Variants in JAK1 observed in about 807,000 individuals in gnomAD.
The protein encoded by JAK1 is Janus kinase 1, also known as tyrosine-protein kinase JAK1.
In JAK1, 16 loss-of-function variants were observed where a neutral mutation model predicts 136.6. The observed-to-expected ratio is 0.12, with a 90% confidence interval of 0.08 to 0.18. JAK1 has a LOEUF of 0.18. Ranked by LOEUF, JAK1 falls within the 10% of genes least tolerant of loss-of-function variation. The probability of loss-of-function intolerance (pLI) is 1.00; values close to 1 mark genes in which losing one functional copy is unlikely to be tolerated. For missense variants in JAK1, 859 were observed against 1,450.1 expected (o/e 0.59, Z 6.62); for synonymous variants, 492 against 519.5 (o/e 0.95, Z 0.72).
chr1:65,025,499 A>C (rs192299771), intron 2 of JAK1, among the ~76,000 whole-genome samples: 122 of 152,270 alleles, frequency 8.0e-4, no homozygotes, highest in African/African-American at 2.8e-3. Context: ...GTAAAATACT[A>C]TTATTGACAC....
At chr1:65,055,721 T>C (rs1010137910) in intron 1 of JAK1, among the ~76,000 whole-genome samples, 1 of 152,218 alleles carries the variant, frequency 6.6e-6, no homozygotes, top group African/African-American at 2.4e-5. Flanking sequence ...ATGAAATGCC[T>C]TGAAGATGCC....
intron 1 of JAK1, among the ~76,000 whole-genome samples, chr1:64,900,024 T>C (rs150973867): frequency 7.2e-5 from 11 of 152,302 alleles, no homozygotes; most frequent in Middle Eastern, 3.4e-3. Flanking sequence ...TGCACACTTT[T>C]AGAGATTTTC....
At position 64,869,102 on chromosome 1, in the gene JAK1, C is replaced by T. The variant is rs555569135; in HGVS notation, c.647+209G>A. On this transcript the variant is annotated intron_variant, in intron 6 of 24. Transcript: ENST00000342505. ...TCAGCTCAGAAATTTCACCCAAGCA[C>T]AAATTTCTGAGATTAGCAGCCAACA... 3.3e-5 allele frequency among the ~76,000 whole-genome samples: 5 copies of T among 152,250 alleles called. No individual in the cohort carries two copies. The South Asian group carries it at 1.0e-3, about 32-fold the overall frequency.
chr1:65,010,473 G>C (rs961096081), intron 2 of JAK1, among the ~76,000 whole-genome samples: 1 of 152,170 alleles, frequency 6.6e-6, no homozygotes, highest in African/African-American at 2.4e-5. Flanking sequence ...TAATAGCCAC[G>C]TGGGTGAGCT....
chr1:64,880,221 A>G (rs1644749808), intron 3 of JAK1, among the ~76,000 whole-genome samples: 1 of 152,320 alleles, frequency 6.6e-6, no homozygotes, highest in East Asian at 1.9e-4. Flanking sequence ...TGAACACCTC[A>G]ATCCATGCTT....
At chr1:65,062,243 CA>C (rs1188447223) in intron 1 of JAK1, among the ~76,000 whole-genome samples, 2 of 152,200 alleles carry the variant, frequency 1.3e-5, no homozygotes, top group African/African-American at 4.8e-5. Context: ...GTATACTCCA[CA>C]GTTAATTTAC....
chr1:64,864,870 T>G lies in JAK1; in HGVS notation c.1093A>C (p.Asn365His). 1 of 1,613,832 alleles carries G rather than the reference T, an allele frequency of 6.2e-7. No individual in the cohort carries two copies. The highest frequency in any genetic ancestry group is 1.1e-5 in the South Asian group (1 of 91,072). ...GTGATTTCAGGGAAGTAAGAAAAAT[T>G]GTTCCACTCTTCCCGGATCTTGTTT... The part of the protein sequence containing the change: ...EKNKIREEWN[N>H]FSYFPEITHI... The change falls in exon 8 of 25, where the codon AAT (asparagine) becomes CAT (histidine). Residue 365 changes from asparagine (N) to histidine (H), a missense_variant. By Grantham distance (68) the Asn-to-His change is moderately conservative (BLOSUM62 1). Around this residue, in one of 4 missense-constraint regions of JAK1, gnomAD observed 353 missense variants for 494.0 expected, o/e 0.71. Coordinates refer to ENST00000342505, the MANE Select transcript of JAK1 (RefSeq NM_002227.4).
chr1:64,924,031 A>G (rs1645540700), intron 1 of JAK1, among the ~76,000 whole-genome samples: 1 of 152,248 alleles, frequency 6.6e-6, no homozygotes, highest in South Asian at 2.1e-4. Flanking sequence ...ATCAGAAGAC[A>G]TAATGAAGTA....
intron 1 of JAK1, among the ~76,000 whole-genome samples, chr1:65,065,565 A>C (rs1432159318): frequency 6.6e-6 from 1 of 151,768 alleles, no homozygotes; most frequent in Non-Finnish European, 1.5e-5. Context: ...GGAGGCTTTT[A>C]GAGGGAAACG....
intron 1 of JAK1, among the ~76,000 whole-genome samples, chr1:65,048,148 G>A (rs1358083415): frequency 1.3e-5 from 2 of 152,082 alleles, no homozygotes; most frequent in African/African-American, 4.8e-5. Flanking sequence ...TGGGGGTTCT[G>A]GCATAGCCTC....
At chr1:64,837,709 T>TCATATGAAGCTCATATAATGA (rs1484477558) in intron 22 of JAK1, among the ~76,000 whole-genome samples, 2 of 152,214 alleles carry the variant, frequency 1.3e-5, no homozygotes, top group African/African-American at 4.8e-5. Flanking sequence ...TGGAAGACGG[T>TCATATGAAGCTCATATAATGA]GTCATATGAA....
chr1:64,940,282 T>A (rs1645865191), intron 1 of JAK1, among the ~76,000 whole-genome samples: 2 of 151,836 alleles, frequency 1.3e-5, no homozygotes, highest in African/African-American at 4.8e-5. Context: ...GTAAGAGTCA[T>A]CATTTACAGA....
At chr1:65,021,347 C>T (rs114145774) in intron 2 of JAK1, among the ~76,000 whole-genome samples, 103 of 152,312 alleles carry the variant, frequency 6.8e-4, no homozygotes, top group African/African-American at 2.2e-3. Flanking sequence ...GATGACAAGG[C>T]GTACATTGGT....
chr1:64,984,987 A>T lies in JAK1; in HGVS notation c.-78+59493T>A, dbSNP rs1646584254. ...TTCAAAGAAGACCACAAAGACCAAGATAGCCCCAATACAGACAAAGCTTAT... is the reference window on the plus strand; with the variant it reads ...TTCAAAGAAGACCACAAAGACCAAGTTAGCCCCAATACAGACAAAGCTTAT... On this transcript the variant is annotated intron_variant, in intron 2 of 25. Transcript: ENST00000671954. This position sits in a 1 kb window ranked among gnomAD's most constrained non-coding sequence, Gnocchi z 4.1. 1.1e-6 allele frequency: 1 copy of T among 882,790 alleles called. No homozygotes were observed. The highest frequency in any genetic ancestry group is 1.6e-5 in the African/African-American group (1 of 60,766). The allele number at this position is 882,790 out of a possible 1,614,324, so 54.7% of individuals were successfully genotyped here. A position where few individuals can be genotyped will look rare whatever the true frequency, so the allele number is the denominator to read the frequency against.
At chr1:64,985,753 C>T (rs1013870907) in intron 2 of JAK1, 5 of 664,194 alleles carry the variant, frequency 7.5e-6, no homozygotes, top group African/African-American at 1.8e-5. Flanking sequence ...TCAACCAACT[C>T]AGCTACTTTA....
intron 1 of JAK1, among the ~76,000 whole-genome samples, chr1:64,926,724 A>G (rs991162754): frequency 6.6e-6 from 1 of 152,176 alleles, no homozygotes; most frequent in Non-Finnish European, 1.5e-5. Flanking sequence ...CACTGGCACT[A>G]CAGCATAGCA....
chr1:64,918,730 G>C (rs1055072256), intron 1 of JAK1: 1 of 168,698 alleles, frequency 5.9e-6, no homozygotes, highest in Non-Finnish European at 1.3e-5. Flanking sequence ...AGATCTTCCA[G>C]AAGCTAGCTG....
At chr1:65,067,460 G>A (rs1569988215) in intron 1 of JAK1, 3 of 147,574 alleles carry the variant, frequency 2.0e-5, no homozygotes, top group East Asian at 2.0e-4. Context: ...GCGCTCCACG[G>A]CGGCGCACGG....
At chr1:65,022,193 T>G (rs899114279) in intron 2 of JAK1, among the ~76,000 whole-genome samples, 1 of 152,232 alleles carries the variant, frequency 6.6e-6, no homozygotes, top group East Asian at 1.9e-4. Context: ...GATGACTACT[T>G]GAGTGCATTT....
Sources: gnomAD v4.1 joint callset for allele counts (sites outside exome capture counted in the v4.1 genomes callset) on GRCh38, gnomAD v4.1.1 for gene constraint, gnomAD v4.1.1 regional missense constraint, Gnocchi (gnomAD v3.1) non-coding constraint, MANE v1.5 for transcripts, NCBI Gene and HGNC (gene_info 2026-07-23, HGNC 2026-07-21) for gene names.